The following DSC2 variants were observed in gnomAD, a reference collection of about 807,000 sequenced individuals.
DSC2 encodes desmocollin-2.
DSC2 carries 51 observed loss-of-function variants against 87.6 expected under a neutral mutation model. The observed-to-expected ratio is 0.58, with a 90% CI of 0.46 to 0.74. DSC2 has a LOEUF of 0.74. Among genes scored for constraint, DSC2 ranks in the 30% least tolerant of loss-of-function variants. DSC2 has a pLI of 0.00. For synonymous variants in DSC2, 383 were observed against 393.2 expected, an observed-to-expected ratio of 0.97 and a Z score of 0.31; for missense variants, 1,066 against 1,089.5, an observed-to-expected ratio of 0.98 and a Z score of 0.30.
rs1986582227 is a variant in DSC2, at chr18:31,065,101, A to G, written c.*2914T>C. On this transcript the variant is annotated 3_prime_UTR_variant, in exon 16 of 16. Transcript: ENST00000280904. ...ATTTTACCTGCCTTTTCAGTTAAGC[A>G]TCAAGATTTATCACACTGACTTCTG... 6.6e-6 allele frequency: 1 copy of G among 152,186 alleles called. No homozygotes were observed. Among genetic ancestry groups the G allele is most frequent in the South Asian group, 2.1e-4 (1 of 4,834 alleles). The allele number at this position is 152,186 out of a possible 1,614,324, so 9.4% of individuals were successfully genotyped here. A position where few individuals can be genotyped will look rare whatever the true frequency, so the allele number is the denominator to read the frequency against.
chr18:31,090,969 T>C (rs1199363315), intron 4 of DSC2, 59 bp downstream of exon 4: 1 of 1,608,762 alleles, frequency 6.2e-7, no homozygotes, highest in African/African-American at 1.3e-5. Context: ...ATACTCAGTG[T>C]CATAATGGTA....
intron 12 of DSC2, among the ~76,000 whole-genome samples, chr18:31,073,519 T>A (rs943644856): frequency 2.0e-5 from 3 of 152,124 alleles, no homozygotes; most frequent in African/African-American, 7.2e-5. Flanking sequence ...CTTTTCCCCA[T>A]CCTGTTCTCC....
intron 13 of DSC2, among the ~76,000 whole-genome samples, chr18:31,071,297 A>C (rs1424743380): frequency 6.6e-6 from 1 of 152,160 alleles, no homozygotes; most frequent in Admixed American, 6.5e-5. Context: ...CTGTAATCCC[A>C]GCACTTTGAG....
At position 31,071,818 on chromosome 18, in the gene DSC2, G is replaced by T; in HGVS notation, c.1912C>A (p.Gln638Lys). 1 of 1,613,686 alleles carries T rather than the reference G, an allele frequency of 6.2e-7. No individual in the cohort carries two copies. Among genetic ancestry groups the T allele is most frequent in the South Asian group, 1.1e-5 (1 of 91,066 alleles). The change falls in exon 13 of 16, where the codon CAG becomes AAG. Residue 638 changes from glutamine to lysine, a missense_variant. Coordinates refer to ENST00000280904, the MANE Select transcript of DSC2 (RefSeq NM_024422.6). Reference sequence around the variant, plus strand: ...TATGAGCCAAATGGAGGATCATTCTGATAGGAAAGACGTGCTGCTGTATCT... The same window carrying T: ...TATGAGCCAAATGGAGGATCATTCTTATAGGAAAGACGTGCTGCTGTATCT... ...INDTAARLSY[Q>K]NDPPFGSYVV...
In DSC2 at chr18:31,080,206, C is replaced by T. The variant is rs551265924; in HGVS notation, c.1410G>A (p.Glu470=). The T allele has an allele frequency of 2.5e-6, 4 of 1,614,084 alleles. No individual in the cohort carries two copies. The highest frequency in any genetic ancestry group is 1.3e-5 in the African/African-American group (1 of 75,024). ...VNVEDQDEGP[E]CNPPIQTVRM... ...GAACAGTCTGTATTGGAGGGTTACA[C>T]TCAGGGCCCTCATCCTGATCTTCTA... The change falls in exon 10 of 16, where the codon GAG becomes GAA. Residue 470 remains glutamate (E), a synonymous_variant. Coordinates refer to ENST00000280904, the MANE Select transcript of DSC2 (RefSeq NM_024422.6).
chr18:31,087,880 C>T (rs1268824795), intron 5 of DSC2, 67 bp from the exon 6 acceptor site: 12 of 1,563,884 alleles, frequency 7.7e-6, no homozygotes, highest in Non-Finnish European at 1.1e-5. Flanking sequence ...GCTTCAAATT[C>T]ATTTTGGCTT....
intron 5 of DSC2, among the ~76,000 whole-genome samples, chr18:31,089,102 T>C (rs1987498665): frequency 6.7e-6 from 1 of 148,778 alleles, no homozygotes; most frequent in Non-Finnish European, 1.5e-5. Flanking sequence ...GAGCCAGAGA[T>C]TGCAGTGAGC....
chr18:31,070,651 A>G (rs2144787772), intron 14 of DSC2, 75 bp downstream of exon 14: 1 of 1,601,460 alleles, frequency 6.2e-7, no homozygotes, highest in East Asian at 2.3e-5. Flanking sequence ...TTTCTGAGAA[A>G]AGATCATTTT....
chr18:31,088,860 T>C (rs866342287), intron 5 of DSC2, among the ~76,000 whole-genome samples: 7 of 152,196 alleles, frequency 4.6e-5, no homozygotes, highest in Admixed American at 2.0e-4. Flanking sequence ...GATCTTTTTG[T>C]GCCAACTAAG....
Position 31,067,952 on chromosome 18 carries a change from T to G in DSC2, c.*63A>C. 1 of 1,502,708 alleles carries G rather than the reference T, an allele frequency of 6.7e-7. No homozygotes were observed. Among genetic ancestry groups the G allele is most frequent in the Non-Finnish European group, 9.2e-7 (1 of 1,086,892 alleles). The allele number at this position is 1,502,708 out of a possible 1,614,324, so 93.1% of individuals were successfully genotyped here. A position where few individuals can be genotyped will look rare whatever the true frequency, so the allele number is the denominator to read the frequency against. ...AGCATCTTCTGCTTTAAAAAATTCT[T>G]GGTTTGTAATTTTTTTTAAAAGTCA... On this transcript the variant is annotated 3_prime_UTR_variant, in exon 16 of 16. Coordinates refer to ENST00000280904, the MANE Select transcript of DSC2 (RefSeq NM_024422.6).
chr18:31,070,596 G>T, intron 14 of DSC2, 130 bp downstream of exon 14: 1 of 1,238,620 alleles, frequency 8.1e-7, no homozygotes, highest in Non-Finnish European at 1.1e-6. Context: ...CTGTTTCAGG[G>T]GACCCATGAC....
Position 31,086,628 on chromosome 18 carries a change from A to G in DSC2, c.890T>C (p.Met297Thr). 1 of 1,614,204 alleles carries G rather than the reference A, an allele frequency of 6.2e-7. No homozygotes were observed. The highest frequency in any genetic ancestry group is 8.5e-7 in the Non-Finnish European group (1 of 1,180,034). Residue 297 changes from methionine (M) to threonine (T), a missense_variant, in exon 7 of 16, where the codon ATG (methionine) becomes ACG (threonine). By Grantham distance (81) the Met-to-Thr change is moderately conservative. Coordinates refer to ENST00000280904, the MANE Select transcript of DSC2 (RefSeq NM_024422.6). ...QVPPSPTLFS[M>T]HPTTGVITTT... The stretch of plus-strand genomic sequence containing the variant: ...GGTGATCACGCCTGTAGTTGGATGC[A>G]TAGAAAATAGGGTGGGTGATGGTGG...
chr18:31,074,905 CT>C lies in DSC2; in HGVS notation c.1665del (p.Arg557GlufsTer14). ...YNITVLASDQ[G>X]GRTCTGTLGI... is the part of the protein sequence containing the mutation. ...CCCAGTGTCCCCGTACATGTTCTCC[CT>C]CCTAGAAAAATGAAAATAAAAATAG... On this transcript the variant is annotated frameshift_variant and splice_region_variant, in exon 12 of 16. Transcript: ENST00000280904. LOFTEE classifies it high-confidence loss of function. 1 of 1,612,760 alleles carries C rather than the reference CT, an allele frequency of 6.2e-7. No homozygotes were observed. The highest frequency in any genetic ancestry group is 1.1e-5 in the South Asian group (1 of 90,946).
intron 1 of DSC2, 65 bp from the exon 2 acceptor site, chr18:31,093,708 T>C: frequency 1.3e-6 from 1 of 762,996 alleles, no homozygotes; most frequent in Non-Finnish European, 1.7e-6. Flanking sequence ...GTGTATATTA[T>C]TTATATAAAT....
At chr18:31,079,048 A>G (rs1987114435) in intron 11 of DSC2, among the ~76,000 whole-genome samples, 1 of 152,066 alleles carries the variant, frequency 6.6e-6, no homozygotes, top group South Asian at 2.1e-4. Context: ...ATTTTTATAT[A>G]ATGTCTTTAA....
intron 9 of DSC2, among the ~76,000 whole-genome samples, chr18:31,080,773 A>T (rs905560511): frequency 5.3e-5 from 8 of 152,156 alleles, no homozygotes; most frequent in African/African-American, 1.2e-4. Context: ...TGCCTCCTAC[A>T]CAGCCTGTGG....
rs561310777 is a variant in DSC2, at chr18:31,079,951, A to G, written c.1559T>C (p.Ile520Thr). The change falls in exon 11 of 16, where the codon ATT (isoleucine) becomes ACT (threonine). Residue 520 changes from isoleucine to threonine, a missense_variant. Transcript: ENST00000280904. ...KLTDPTGWVT[I>T]DENTGSIKVF... is the part of the protein sequence containing the mutation. ...TTTGATTGATCCTGTATTTTCATCA[A>G]TGGTGACCCACCCTGTTGGATCAGT... 1.6e-4 allele frequency: 251 copies of G among 1,614,016 alleles called. No homozygotes were observed. Among genetic ancestry groups the G allele is most frequent in the East Asian group, 2.7e-4 (12 of 44,858 alleles).
intron 14 of DSC2, among the ~76,000 whole-genome samples, 172 bp downstream of exon 14, chr18:31,070,554 A>G (rs1462536415): frequency 1.3e-5 from 2 of 152,226 alleles, no homozygotes; most frequent in African/African-American, 4.8e-5. Context: ...TTTAAATACC[A>G]TATATCATCA....
At position 31,089,493 on chromosome 18, in the gene DSC2, AGT is replaced by A. The variant is rs1417368964; in HGVS notation, c.574_575del (p.Thr192TrpfsTer12). The A allele has an allele frequency of 6.2e-7, 1 of 1,614,044 alleles. No individual in the cohort carries two copies. ...PRNLFYVERD[T>X]GNLYCTRPVD... ...CAGGACGAGTACAATACAAGTTTCCAGTGTCTCTCTCCACATAAAATAAATTC... is the reference window on the plus strand; with the variant it reads ...CAGGACGAGTACAATACAAGTTTCCAGTCTCTCTCCACATAAAATAAATTC... On this transcript the variant is annotated frameshift_variant, in exon 5 of 16. Coordinates refer to ENST00000280904, the MANE Select transcript of DSC2 (RefSeq NM_024422.6). LOFTEE classifies it high-confidence loss of function.
Sources: gnomAD v4.1 joint callset for allele counts (sites outside exome capture counted in the v4.1 genomes callset) on GRCh38, gnomAD v4.1.1 for gene constraint, MANE v1.5 for transcripts, NCBI Gene and HGNC (gene_info 2026-07-23, HGNC 2026-07-21) for gene names.